C12orf50: variants seen among roughly 807,000 people sequenced by gnomAD.
The protein encoded by C12orf50 is uncharacterized protein C12orf50.
A neutral mutation model predicts 61.6 loss-of-function variants in C12orf50; 35 were observed. The ratio of observed to expected loss-of-function variants is 0.57; its 90% CI spans 0.43 to 0.75. The LOEUF (loss-of-function observed/expected upper bound fraction) is 0.75, where lower values mean the gene tolerates loss of function less well. C12orf50 is among the 30% of genes least tolerant of loss of function. C12orf50 has a pLI of 0.00. For synonymous variants in C12orf50, 178 were observed against 161.5 expected (o/e 1.10, Z -0.77); for missense variants, 475 against 488.5 (o/e 0.97, Z 0.26).
At chr12:88,021,310 A>G (rs2032508876) in intron 3 of C12orf50, among the ~76,000 whole-genome samples, 1 of 152,010 alleles carries the variant, frequency 6.6e-6, no homozygotes, top group Non-Finnish European at 1.5e-5. Context: ...ACAAAAAAAA[A>G]AAAAGAGAAG....
intron 12 of C12orf50, 24 bp downstream of exon 12, chr12:87,983,079 T>C: frequency 7.2e-7 from 1 of 1,396,268 alleles, no homozygotes; most frequent in Non-Finnish European, 1.0e-6. Flanking sequence ...GCATGATACA[T>C]TAAAACCACT....
intron 3 of C12orf50, among the ~76,000 whole-genome samples, chr12:88,009,428 T>C (rs1179950449): frequency 6.6e-6 from 1 of 152,100 alleles, no homozygotes; most frequent in African/African-American, 2.4e-5. Flanking sequence ...ACATTTTAAT[T>C]TCTTCCTTTT....
intron 2 of C12orf50, 68 bp from the exon 3 acceptor site, chr12:88,026,676 A>G: frequency 1.3e-6 from 2 of 1,543,992 alleles, no homozygotes; most frequent in South Asian, 1.2e-5. Flanking sequence ...ACAATGTGCT[A>G]CAATACAGCA....
chr12:88,026,104 C>A (rs568276489), intron 3 of C12orf50, among the ~76,000 whole-genome samples: 1 of 152,170 alleles, frequency 6.6e-6, no homozygotes, highest in Non-Finnish European at 1.5e-5. Context: ...TCTCCACCTA[C>A]GAGATAGCTT....
At position 87,986,065 on chromosome 12, in the gene C12orf50, G is replaced by A. The variant is rs530042206; in HGVS notation, c.923-12C>T. Reference sequence around the variant, plus strand: ...TGGGGCCTGTACTGCTGTAAAGAAAGGTGGGAGGGAGTGAGGAATAAAACA... The same window carrying A: ...TGGGGCCTGTACTGCTGTAAAGAAAAGTGGGAGGGAGTGAGGAATAAAACA... On this transcript the variant is annotated splice_polypyrimidine_tract_variant and intron_variant, in intron 10 of 12. Coordinates refer to ENST00000298699, the MANE Select transcript of C12orf50 (RefSeq NM_152589.3). 109 of 1,611,700 alleles carry A rather than the reference G, an allele frequency of 6.8e-5. 1 individual carries two copies. The South Asian group carries it at 8.9e-4, about 13-fold the overall frequency.
At chr12:88,010,516 G>A (rs1393682583) in intron 3 of C12orf50, among the ~76,000 whole-genome samples, 1 of 148,412 alleles carries the variant, frequency 6.7e-6, no homozygotes, top group Non-Finnish European at 1.5e-5. Context: ...ATTATAAATG[G>A]AATCATTACG....
chr12:88,026,226 T>C lies in C12orf50; in HGVS notation c.133+262A>G, dbSNP rs76594668. Among the ~76,000 whole-genome samples the C allele has an allele frequency of 7.4e-3, 1,125 of 152,308 alleles. 19 individuals carry two copies. The highest frequency in any genetic ancestry group is 0.026 in the African/African-American group (1,082 of 41,574). On this transcript the variant is annotated intron_variant, in intron 3 of 12. Transcript: ENST00000298699. ...TTCTATTTAGTGAGGTCAGTAGCTG[T>C]CTTACTTTTCATATGAATAAAATCC...
intron 3 of C12orf50, among the ~76,000 whole-genome samples, chr12:88,015,455 G>T (rs561082138): frequency 6.6e-6 from 1 of 152,312 alleles, no homozygotes; most frequent in East Asian, 1.9e-4. Flanking sequence ...AAAATCAAAT[G>T]ATCCTATTCA....
chr12:87,985,861 T>C lies in C12orf50; in HGVS notation c.1115A>G (p.Asn372Ser), dbSNP rs199859598. The change falls in exon 11 of 13, where the codon AAC (asparagine) becomes AGC (serine). Residue 372 changes from asparagine to serine, a missense_variant. Asn to Ser is a conservative substitution (Grantham distance 46). Coordinates refer to ENST00000298699, the MANE Select transcript of C12orf50 (RefSeq NM_152589.3). ...KVHANREPKP[N>S]LSPDKYTSTS... ...ACAAAGGACCTCACCTGGACTGAGG[T>C]TGGGTTTGGGTTCCCTGTTAGCATG... is the stretch of plus-strand genomic sequence containing the variant. 50 of 1,612,536 alleles carry C rather than the reference T, an allele frequency of 3.1e-5. No homozygotes were observed. The Admixed American group carries it at 6.5e-4, about 21-fold the overall frequency.
chr12:87,985,804 A>C, intron 11 of C12orf50, 46 bp downstream of exon 11: 2 of 1,593,958 alleles, frequency 1.3e-6, no homozygotes, highest in Non-Finnish European at 1.7e-6. Context: ...TTCCATGGGA[A>C]TGCAAACCAC....
intron 3 of C12orf50, among the ~76,000 whole-genome samples, chr12:88,020,812 A>G (rs1235448994): frequency 1.3e-5 from 2 of 152,088 alleles, no homozygotes; most frequent in African/African-American, 4.8e-5. Context: ...CAAATTAAAA[A>G]AAAAAAATAC....
chr12:88,004,671 C>T (rs772212255), intron 3 of C12orf50, among the ~76,000 whole-genome samples: 1 of 152,076 alleles, frequency 6.6e-6, no homozygotes, highest in Non-Finnish European at 1.5e-5. Context: ...GAAAATGTGG[C>T]ACATATACAC....
intron 7 of C12orf50, among the ~76,000 whole-genome samples, chr12:87,993,098 A>G (rs1448133813): frequency 6.6e-6 from 1 of 152,122 alleles, no homozygotes; most frequent in Non-Finnish European, 1.5e-5. Context: ...TTTTTTAAAT[A>G]TTCTTTTAGT....
intron 3 of C12orf50, among the ~76,000 whole-genome samples, chr12:88,010,966 T>C (rs1285210794): frequency 2.0e-5 from 3 of 152,094 alleles, no homozygotes; most frequent in South Asian, 4.1e-4. Context: ...ATACTAATGG[T>C]CTTTGCATTT....
chr12:87,988,001 A>G, intron 8 of C12orf50, 35 bp from the exon 9 acceptor site: 1 of 1,402,306 alleles, frequency 7.1e-7, no homozygotes, highest in Non-Finnish European at 1.0e-6. Flanking sequence ...AAATGTCAAT[A>G]TTAGTTTTTA....
intron 6 of C12orf50, among the ~76,000 whole-genome samples, chr12:87,995,768 G>A (rs946570241): frequency 2.6e-5 from 4 of 152,140 alleles, no homozygotes; most frequent in South Asian, 2.1e-4. Context: ...GCTCTTCTCC[G>A]TCTGATGGTG....
At chr12:88,021,220 T>C (rs1264889181) in intron 3 of C12orf50, among the ~76,000 whole-genome samples, 2 of 149,468 alleles carry the variant, frequency 1.3e-5, no homozygotes, top group Non-Finnish European at 3.0e-5. Context: ...CAAAAAGCCA[T>C]ACAAAAGACC....
intron 6 of C12orf50, among the ~76,000 whole-genome samples, 154 bp from the exon 7 acceptor site, chr12:87,994,897 A>G (rs1482894814): frequency 6.6e-6 from 1 of 152,204 alleles, no homozygotes; most frequent in African/African-American, 2.4e-5. Flanking sequence ...TAATAAATAC[A>G]TGAGTTTTAA....
At chr12:87,988,005 G>GT (rs1476606061) in intron 8 of C12orf50, 39 bp from the exon 9 acceptor site, 1 of 1,371,656 alleles carries the variant, frequency 7.3e-7, no homozygotes, top group Non-Finnish European at 1.0e-6. Context: ...GTCAATATTA[G>GT]TTTTTAAAAA....
Sources: gnomAD v4.1 joint callset for allele counts (sites outside exome capture counted in the v4.1 genomes callset) on GRCh38, gnomAD v4.1.1 for gene constraint, MANE v1.5 for transcripts, NCBI Gene and HGNC (gene_info 2026-07-23, HGNC 2026-07-21) for gene names.